Variants in CTNNA3 observed in about 807,000 individuals in gnomAD.
The protein encoded by CTNNA3 is catenin alpha-3.
CTNNA3 carries 76 observed loss-of-function variants against 95.7 expected under a neutral mutation model. That is an observed-to-expected ratio of 0.79 (90% CI 0.66 to 0.96). The LOEUF (loss-of-function observed/expected upper bound fraction) is 0.96, where lower values mean the gene tolerates loss of function less well. Ranked by LOEUF, CTNNA3 falls within the 40% of genes least tolerant of loss-of-function variation. CTNNA3 has a pLI of 0.00. For synonymous variants in CTNNA3, 431 were observed against 374.4 expected, an observed-to-expected ratio of 1.15 and a Z score of -1.74; for missense variants, 1,191 against 1,089.8, an observed-to-expected ratio of 1.09 and a Z score of -1.31.
At chr10:66,816,040 G>A (rs1842067319) in intron 7 of CTNNA3, among the ~76,000 whole-genome samples, 1 of 152,024 alleles carries the variant, frequency 6.6e-6, no homozygotes, top group Non-Finnish European at 1.5e-5. Flanking sequence ...TCGTGTTGAC[G>A]GGCATGCACA....
intron 5 of CTNNA3, among the ~76,000 whole-genome samples, chr10:67,256,211 C>T (rs1866343307): frequency 6.6e-6 from 1 of 152,144 alleles, no homozygotes; most frequent in Non-Finnish European, 1.5e-5. Context: ...TTGCCTTGCT[C>T]TTTCTTTAAT....
At chr10:66,026,724 G>A (rs1425421148) in intron 15 of CTNNA3, among the ~76,000 whole-genome samples, 3 of 152,064 alleles carry the variant, frequency 2.0e-5, no homozygotes, top group Admixed American at 1.3e-4. Flanking sequence ...TCCCACAAAA[G>A]TGTATTTGAG....
intron 7 of CTNNA3, among the ~76,000 whole-genome samples, chr10:67,062,616 C>T (rs1855825749): frequency 6.6e-6 from 1 of 152,010 alleles, no homozygotes; most frequent in Admixed American, 6.6e-5. Context: ...TCTGGATGAC[C>T]TCAATATTTA....
intron 6 of CTNNA3, among the ~76,000 whole-genome samples, chr10:67,212,605 C>G (rs1310589892): frequency 6.6e-6 from 1 of 151,520 alleles, no homozygotes; most frequent in Non-Finnish European, 1.5e-5. Context: ...TTACAGAAAC[C>G]CTTTATCAAG....
At chr10:67,091,637 A>C (rs1422968663) in intron 7 of CTNNA3, among the ~76,000 whole-genome samples, 1 of 152,110 alleles carries the variant, frequency 6.6e-6, no homozygotes, top group African/African-American at 2.4e-5. Flanking sequence ...GAGACCAGTC[A>C]TAGTCACTAA....
chr10:66,627,317 C>A (rs933634716), intron 9 of CTNNA3, among the ~76,000 whole-genome samples: 3 of 152,106 alleles, frequency 2.0e-5, no homozygotes, highest in Admixed American at 2.0e-4. Context: ...CTTGGTACGA[C>A]TGTCAATCAA....
intron 1 of CTNNA3, among the ~76,000 whole-genome samples, chr10:67,677,115 C>T (rs1034251968): frequency 6.6e-6 from 1 of 152,114 alleles, no homozygotes; most frequent in African/African-American, 2.4e-5. Context: ...TTGACCAGCC[C>T]TGCAGCTGAA....
chr10:67,679,292 C>G (rs752713174), intron 1 of CTNNA3, among the ~76,000 whole-genome samples: 9 of 152,122 alleles, frequency 5.9e-5, no homozygotes, highest in African/African-American at 9.7e-5. Flanking sequence ...CCAAAAGAAC[C>G]TGCCCCCTAG....
chr10:66,894,196 A>G (rs1478273482), intron 7 of CTNNA3, among the ~76,000 whole-genome samples: 1 of 152,110 alleles, frequency 6.6e-6, no homozygotes, highest in Non-Finnish European at 1.5e-5. Flanking sequence ...AATTTTTATA[A>G]TTAAAAAAAA....
At chr10:66,661,808 G>T (rs1245379981) in intron 9 of CTNNA3, among the ~76,000 whole-genome samples, 2 of 152,100 alleles carry the variant, frequency 1.3e-5, no homozygotes, top group Non-Finnish European at 2.9e-5. Flanking sequence ...CAGGGTAAAT[G>T]TTCCCAGAGA....
intron 2 of CTNNA3, among the ~76,000 whole-genome samples, chr10:67,646,244 T>TGGA (rs1839704644): frequency 6.6e-6 from 1 of 151,352 alleles, no homozygotes; most frequent in Non-Finnish European, 1.5e-5. Context: ...CTTTAACTCC[T>TGGA]GGACTTAAGC....
At position 66,520,742 on chromosome 10, in the gene CTNNA3, C is replaced by G; in HGVS notation, c.1406G>C (p.Arg469Thr). 1 of 1,612,740 alleles carries G rather than the reference C, an allele frequency of 6.2e-7. No homozygotes were observed. The highest frequency in any genetic ancestry group is 8.5e-7 in the Non-Finnish European group (1 of 1,179,360). Residue 469 changes from arginine to threonine, a missense_variant, in exon 11 of 18, where the codon AGA becomes ACA. Transcript: ENST00000433211. ...GTTTTTGACCGCTTGACTTTTGGGT[C>G]TTGCAGCCAAAGCAAGTGCAGCATT... is the stretch of plus-strand genomic sequence containing the variant. Reference protein sequence around the residue: ...IINAALALAARPKSQAVKNTM... With the variant: ...IINAALALAATPKSQAVKNTM...
chr10:66,244,809 C>T (rs2090244762), intron 13 of CTNNA3, among the ~76,000 whole-genome samples: 1 of 152,164 alleles, frequency 6.6e-6, no homozygotes, highest in Admixed American at 6.5e-5. Context: ...AAAACAAATA[C>T]CTAACTCTTA....
At chr10:66,894,263 G>A (rs1251198775) in intron 7 of CTNNA3, among the ~76,000 whole-genome samples, 4 of 152,008 alleles carry the variant, frequency 2.6e-5, no homozygotes. Context: ...AGGTAAAGGA[G>A]TTTGAACAGA....
At position 66,512,925 on chromosome 10, in the gene CTNNA3, T is replaced by G. The variant is rs1840712528; in HGVS notation, c.1531+7692A>C. On this transcript the variant is annotated intron_variant, in intron 11 of 17. Transcript: ENST00000433211. ...TGTGACTTGATGCTTTCTTTTGGTG[T>G]TTTTAGAATTCCCTTTTTGTCTTTA... Among the ~76,000 whole-genome samples, 4 of 152,056 alleles carry G rather than the reference T, an allele frequency of 2.6e-5. No homozygotes were observed. In the South Asian group the frequency reaches 8.3e-4, roughly 31 times the overall value.
intron 5 of CTNNA3, among the ~76,000 whole-genome samples, chr10:67,256,066 A>G (rs944904970): frequency 2.2e-4 from 34 of 152,164 alleles, no homozygotes; most frequent in African/African-American, 8.2e-4. Context: ...CTCTCCTTTA[A>G]AATTCTTAGA....
intron 2 of CTNNA3, among the ~76,000 whole-genome samples, chr10:67,617,237 A>G (rs1589494680): frequency 6.6e-6 from 1 of 152,014 alleles, no homozygotes; most frequent in South Asian, 2.1e-4. Flanking sequence ...CTCAATAGTT[A>G]TTTTTCATGA....
In CTNNA3 at chr10:65,917,779, T is replaced by C. The variant is rs1484747930; in HGVS notation, c.*2551A>G. On this transcript the variant is annotated 3_prime_UTR_variant, in exon 18 of 18. Transcript: ENST00000433211. ...ATCCTCTGCAGAAGAAATACCTAAA[T>C]ATAAATGTGTCATGCTGATTAGTTT... 3 of 143,386 alleles carry C rather than the reference T, an allele frequency of 2.1e-5. No homozygotes were observed. Among genetic ancestry groups the C allele is most frequent in the African/African-American group, 7.6e-5 (3 of 39,290 alleles). 8.9% of individuals were successfully genotyped at this position (143,386 alleles called of 1,614,324 possible). A position where few individuals can be genotyped will look rare whatever the true frequency, so the allele number is the denominator to read the frequency against.
chr10:66,132,791 T>G (rs2083177025), intron 13 of CTNNA3, among the ~76,000 whole-genome samples: 1 of 152,090 alleles, frequency 6.6e-6, no homozygotes. Context: ...AGCAAACTAA[T>G]GCAGGAACCA....
Sources: gnomAD v4.1 joint callset for allele counts (sites outside exome capture counted in the v4.1 genomes callset) on GRCh38, gnomAD v4.1.1 for gene constraint, MANE v1.5 for transcripts, NCBI Gene and HGNC (gene_info 2026-07-23, HGNC 2026-07-21) for gene names.